Variants in BPNT1 observed in about 807,000 individuals in gnomAD.
The protein encoded by BPNT1 is 3'(2'), 5'-bisphosphate nucleotidase 1, also known as 3'(2'),5'-bisphosphate nucleotidase 1.
A neutral mutation model predicts 36.9 loss-of-function variants in BPNT1; 28 were observed. That is an observed-to-expected ratio of 0.76 (90% confidence interval 0.56 to 1.04). The LOEUF (loss-of-function observed/expected upper bound fraction) is 1.04. Among genes scored for constraint, BPNT1 ranks in the 50% least tolerant of loss-of-function variants. The pLI, the probability that BPNT1 is intolerant of heterozygous loss-of-function variation, is 0.00. For synonymous variants in BPNT1, 119 were observed against 130.9 expected (o/e 0.91, Z 0.62); for missense variants, 313 against 372.9 (o/e 0.84, Z 1.32).
chr1:220,061,405 G>T (rs1663016759), intron 7 of BPNT1, among the ~76,000 whole-genome samples: 1 of 151,864 alleles, frequency 6.6e-6, no homozygotes, highest in African/African-American at 2.4e-5. Flanking sequence ...GTGGTGGCAG[G>T]CGCCTGTAAT....
chr1:220,076,575 C>T (rs1439227082), intron 2 of BPNT1, among the ~76,000 whole-genome samples: 1 of 150,112 alleles, frequency 6.7e-6, no homozygotes, highest in African/African-American at 2.4e-5. Flanking sequence ...ATCCCAGCTA[C>T]CCAGGAGGCT....
intron 6 of BPNT1, among the ~76,000 whole-genome samples, chr1:220,066,785 A>G (rs1198316109): frequency 4.6e-5 from 7 of 152,184 alleles, no homozygotes. Context: ...CACTGACTGT[A>G]ACTTAGGCGC....
At chr1:220,059,033 A>AT in intron 8 of BPNT1, 41 bp from the exon 9 acceptor site, 5 of 1,604,132 alleles carry the variant, frequency 3.1e-6, no homozygotes, top group Non-Finnish European at 4.3e-6. Flanking sequence ...TTAGTGGCTA[A>AT]TTGGATTGTG....
intron 1 of BPNT1, among the ~76,000 whole-genome samples, chr1:220,083,750 A>G (rs1191433818): frequency 6.6e-6 from 1 of 152,176 alleles, no homozygotes; most frequent in Non-Finnish European, 1.5e-5. Flanking sequence ...CTGACTTTTT[A>G]AAATATATTT....
chr1:220,065,300 G>C (rs940833537), intron 6 of BPNT1, among the ~76,000 whole-genome samples: 29 of 152,134 alleles, frequency 1.9e-4, no homozygotes, highest in Non-Finnish European at 1.9e-4. Flanking sequence ...CAGCTGGCTT[G>C]CCTTCTTCTG....
At chr1:220,078,495 TA>T in intron 2 of BPNT1, among the ~76,000 whole-genome samples, 1 of 141,754 alleles carries the variant, frequency 7.1e-6, no homozygotes, top group Middle Eastern at 3.6e-3. Context: ...TAATTTATAA[TA>T]AATTTTATAT....
chr1:220,081,096 G>A lies in BPNT1; in HGVS notation c.-8-1242C>T, dbSNP rs145200768. Among the ~76,000 whole-genome samples, 250 of 152,146 alleles carry A rather than the reference G, an allele frequency of 1.6e-3. 4 individuals are homozygous for A. The East Asian group carries it at 0.036, about 22-fold the overall frequency. On this transcript the variant is annotated intron_variant, in intron 1 of 8. Coordinates refer to ENST00000322067, the MANE Select transcript of BPNT1 (RefSeq NM_006085.6). ...TGGGATTACAGGCGCCCACCACCAT[G>A]CTCGGCTAATTTTTATTTTTAGTGG...
intron 3 of BPNT1, among the ~76,000 whole-genome samples, chr1:220,073,311 CG>C (rs1411608693): frequency 6.7e-6 from 1 of 150,040 alleles, no homozygotes; most frequent in Non-Finnish European, 1.5e-5. Flanking sequence ...TTTTTTGAGA[CG>C]GAGTCTTGCT....
At chr1:220,073,561 G>T (rs1282422897) in intron 3 of BPNT1, among the ~76,000 whole-genome samples, 1 of 152,122 alleles carries the variant, frequency 6.6e-6, no homozygotes, top group Non-Finnish European at 1.5e-5. Flanking sequence ...CAAAGTGCTG[G>T]TATTACAGGC....
intron 2 of BPNT1, among the ~76,000 whole-genome samples, chr1:220,075,455 C>T (rs1023148995): frequency 2.0e-5 from 3 of 152,184 alleles, no homozygotes; most frequent in Non-Finnish European, 2.9e-5. Flanking sequence ...AAGTACTATT[C>T]TGCTAGAATG....
intron 6 of BPNT1, chr1:220,066,252 G>T: frequency 1.6e-5 from 8 of 494,560 alleles, no homozygotes; most frequent in Non-Finnish European, 2.4e-5. Context: ...TGCCCCTTTT[G>T]AAAGTAATAG....
intron 2 of BPNT1, among the ~76,000 whole-genome samples, chr1:220,074,432 A>G (rs1664358210): frequency 6.6e-6 from 1 of 152,184 alleles, no homozygotes; most frequent in Non-Finnish European, 1.5e-5. Flanking sequence ...TAACTTCCAC[A>G]CTAATCCTAA....
At chr1:220,086,189 C>T (rs1406279746) in intron 1 of BPNT1, among the ~76,000 whole-genome samples, 2 of 152,090 alleles carry the variant, frequency 1.3e-5, no homozygotes, top group Non-Finnish European at 2.9e-5. Context: ...AGAAATAGAA[C>T]CGAACACACT....
At chr1:220,088,191 T>C (rs1363908515) in intron 1 of BPNT1, among the ~76,000 whole-genome samples, 2 of 151,578 alleles carry the variant, frequency 1.3e-5, no homozygotes, top group South Asian at 2.1e-4. Context: ...ATTTTTAAGA[T>C]TGGCATAGAA....
At chr1:220,071,661 T>C (rs1470076920) in intron 4 of BPNT1, among the ~76,000 whole-genome samples, 2 of 152,170 alleles carry the variant, frequency 1.3e-5, no homozygotes, top group African/African-American at 2.4e-5. Context: ...TGAGAGTCCA[T>C]AATGAAACCC....
chr1:220,059,243 C>CTTTTTTTT (rs11292010), intron 8 of BPNT1, among the ~76,000 whole-genome samples: 21 of 57,850 alleles, frequency 3.6e-4, no homozygotes, highest in Non-Finnish European at 3.6e-4. Context: ...ATTTTCTTTT[C>CTTTTTTTT]TTTTTTTTTT....
intron 6 of BPNT1, chr1:220,067,051 A>G (rs1195832749): frequency 6.0e-6 from 1 of 166,092 alleles, no homozygotes; most frequent in Non-Finnish European, 1.3e-5. Context: ...GCCCCCAGCG[A>G]TTTTGATTCA....
chr1:220,065,789 T>G lies in BPNT1; in HGVS notation c.474+1513A>C, dbSNP rs183939369. Among the ~76,000 whole-genome samples, 11 of 152,346 alleles carry G rather than the reference T, an allele frequency of 7.2e-5. No individual in the cohort carries two copies. The South Asian group carries it at 1.0e-3, about 14-fold the overall frequency. ...TTTTAGCTATTATGGTGATGATGAT[T>G]ATTATTTAAAATTGAATCTTTAGCC... On this transcript the variant is annotated intron_variant, in intron 6 of 8. Transcript: ENST00000322067.
At chr1:220,061,896 A>C (rs1427686697) in intron 7 of BPNT1, among the ~76,000 whole-genome samples, 1 of 152,108 alleles carries the variant, frequency 6.6e-6, no homozygotes, top group Non-Finnish European at 1.5e-5. Flanking sequence ...GGGGAAATAG[A>C]TAGGAAGTGG....
Sources: gnomAD v4.1 joint callset for allele counts (sites outside exome capture counted in the v4.1 genomes callset) on GRCh38, gnomAD v4.1.1 for gene constraint, MANE v1.5 for transcripts, NCBI Gene and HGNC (gene_info 2026-07-23, HGNC 2026-07-21) for gene names.